KIF18A: variants seen among roughly 807,000 people sequenced by gnomAD.
KIF18A encodes the protein kinesin-like protein KIF18A.
Under a neutral mutation model 103.3 loss-of-function variants are expected in KIF18A, and 67 were observed. That is an observed-to-expected ratio of 0.65 (90% confidence interval 0.53 to 0.79). The LOEUF is 0.79. Ranked by LOEUF, KIF18A falls within the 30% of genes least tolerant of loss-of-function variation. KIF18A has a pLI of 0.00. For synonymous variants in KIF18A, 367 were observed against 355.5 expected (o/e 1.03, Z -0.36); for missense variants, 1,032 against 1,062.5 (o/e 0.97, Z 0.40).
intron 1 of KIF18A, among the ~76,000 whole-genome samples, chr11:28,105,991 C>A (rs1046332263): frequency 6.6e-6 from 1 of 152,118 alleles, no homozygotes. Context: ...TCCAAGATGA[C>A]GTAACAAGTG....
intron 3 of KIF18A, among the ~76,000 whole-genome samples, chr11:28,092,553 C>T (rs1015638135): frequency 5.3e-5 from 8 of 152,066 alleles, no homozygotes; most frequent in South Asian, 2.1e-4. Flanking sequence ...TTATAAGTAA[C>T]ACACATTTCT....
intron 4 of KIF18A, 115 bp downstream of exon 4, chr11:28,091,294 G>C: frequency 3.3e-6 from 2 of 602,624 alleles, no homozygotes; most frequent in South Asian, 4.8e-5. Context: ...TTTAAATTCT[G>C]TACCTCATTA....
At chr11:28,028,254 C>T (rs553613433) in intron 15 of KIF18A, among the ~76,000 whole-genome samples, 1 of 152,152 alleles carries the variant, frequency 6.6e-6, no homozygotes, top group Non-Finnish European at 1.5e-5. Context: ...TGCACTTATT[C>T]CAAAATTGAC....
At chr11:28,083,089 A>T in intron 8 of KIF18A, 80 bp downstream of exon 8, 16 of 1,511,420 alleles carry the variant, frequency 1.1e-5, no homozygotes, top group Non-Finnish European at 1.4e-5. Context: ...AAATATGTTA[A>T]ATTTTTGGAC....
rs1851206021 is a variant in KIF18A at position 28,084,774 on chromosome 11, T to C, written c.932A>G (p.Lys311Arg). Residue 311 changes from lysine (K) to arginine (R), a missense_variant, in exon 7 of 17, where the codon AAG (lysine) becomes AGG (arginine). Physicochemically the swap from Lys to Arg is conservative, Grantham distance 26. Transcript: ENST00000263181. Reference sequence around the variant, plus strand: ...AGAATCCTTTAACAAGCGAGTAAGCTTACTATTTCTGTAAGGGATATGCTG... The same window carrying C: ...AGAATCCTTTAACAAGCGAGTAAGCCTACTATTTCTGTAAGGGATATGCTG... ...KNQHIPYRNSKLTRLLKDSLG... is the reference protein window; with the variant it reads ...KNQHIPYRNSRLTRLLKDSLG... The C allele has an allele frequency of 6.2e-7, 1 of 1,612,908 alleles. No individual in the cohort carries two copies. Among genetic ancestry groups the C allele is most frequent in the Admixed American group, 1.7e-5 (1 of 59,938 alleles).
intron 13 of KIF18A, among the ~76,000 whole-genome samples, chr11:28,051,980 T>A (rs1420907324): frequency 1.3e-5 from 2 of 152,106 alleles, no homozygotes; most frequent in African/African-American, 4.8e-5. Context: ...CTCAATTCTT[T>A]TAGATGCTAA....
intron 14 of KIF18A, 88 bp from the exon 15 acceptor site, chr11:28,035,582 A>G (rs1850475670): frequency 7.9e-6 from 5 of 635,750 alleles, no homozygotes; most frequent in Non-Finnish European, 1.2e-5. Context: ...TAATTAGAAA[A>G]CCATTTGGTA....
At chr11:28,048,225 A>C (rs943331643) in intron 13 of KIF18A, among the ~76,000 whole-genome samples, 1 of 152,138 alleles carries the variant, frequency 6.6e-6, no homozygotes, top group Admixed American at 6.6e-5. Flanking sequence ...TAATGCCTTT[A>C]AAGTATACAT....
chr11:28,094,898 G>C lies in KIF18A; in HGVS notation c.326-98C>G, dbSNP rs1222744842. On this transcript the variant is annotated intron_variant, in intron 2 of 16. Transcript: ENST00000263181. ...TAGTTCCATCTGGATATCCTGAACA[G>C]TATCTTTAAACCCTACAAATCCAAA... is the stretch of plus-strand genomic sequence containing the variant. 5 of 1,212,102 alleles carry C rather than the reference G, an allele frequency of 4.1e-6. No individual in the cohort carries two copies. The African/African-American group carries it at 6.1e-5, about 15-fold the overall frequency. The allele number at this position is 1,212,102 out of a possible 1,614,324, so 75.1% of individuals were successfully genotyped here. A position where few individuals can be genotyped will look rare whatever the true frequency, so the allele number is the denominator to read the frequency against.
In KIF18A at chr11:28,090,656, A is replaced by G; in HGVS notation, c.660T>C (p.Asp220=). 6.2e-7 allele frequency: 1 copy of G among 1,609,484 alleles called. No homozygotes were observed. The highest frequency in any genetic ancestry group is 8.5e-7 in the Non-Finnish European group (1 of 1,176,358). ...GNKNRTQHPT[D]MNATSSRSHA... The stretch of plus-strand genomic sequence containing the variant: ...GAGAACGAGAAGATGTGGCATTCAT[A>G]TCAGTGGGATGTTGTGTCCTGTTTT... Residue 220 remains aspartate (D), a synonymous_variant, in exon 5 of 17, where the codon GAT becomes GAC. Transcript: ENST00000263181.
chr11:28,095,009 T>C (rs1025418583), intron 2 of KIF18A, among the ~76,000 whole-genome samples: 1 of 152,140 alleles, frequency 6.6e-6, no homozygotes, highest in Non-Finnish European at 1.5e-5. Flanking sequence ...ATGGTATCAC[T>C]ACCCCCGGCC....
At chr11:28,078,049 A>G (rs1851118143) in intron 9 of KIF18A, among the ~76,000 whole-genome samples, 2 of 152,194 alleles carry the variant, frequency 1.3e-5, no homozygotes. Context: ...GCTCTGAGCT[A>G]CAGTAACAGT....
At chr11:28,072,348 C>A (rs1234097607) in intron 10 of KIF18A, among the ~76,000 whole-genome samples, 1 of 152,070 alleles carries the variant, frequency 6.6e-6, no homozygotes, top group African/African-American at 2.4e-5. Flanking sequence ...TTTATGGGGT[C>A]ATGAAATTAC....
At chr11:28,091,170 A>C (rs1851298233) in intron 4 of KIF18A, among the ~76,000 whole-genome samples, 1 of 152,058 alleles carries the variant, frequency 6.6e-6, no homozygotes, top group Non-Finnish European at 1.5e-5. Flanking sequence ...ACATACATAC[A>C]TACATACATA....
intron 13 of KIF18A, among the ~76,000 whole-genome samples, chr11:28,051,985 T>C (rs912637344): frequency 6.6e-6 from 1 of 152,146 alleles, no homozygotes; most frequent in East Asian, 1.9e-4. Context: ...TTCTTTTAGA[T>C]GCTAAGTTCC....
At chr11:28,047,275 C>T (rs1275011112) in intron 13 of KIF18A, among the ~76,000 whole-genome samples, 2 of 151,892 alleles carry the variant, frequency 1.3e-5, no homozygotes, top group Non-Finnish European at 2.9e-5. Context: ...TGGTTTTAGT[C>T]CATCGCTACA....
rs749545494 is a variant in KIF18A at position 28,094,754 on chromosome 11, T to C, written c.372A>G (p.Leu124=). Residue 124 remains leucine (L), a synonymous_variant, in exon 3 of 17, where the codon CTA becomes CTG. Transcript: ENST00000263181. ...TCACTCCAGGTTCATCAGCTGATCC[T>C]AGCATAGTGTGGGTCTTCCCAGCAC... ...ATGAGKTHTM[L]GSADEPGVMY... The C allele has an allele frequency of 1.9e-6, 3 of 1,614,016 alleles. No individual in the cohort carries two copies. Among genetic ancestry groups the C allele is most frequent in the South Asian group, 2.2e-5 (2 of 91,082 alleles).
chr11:28,062,618 T>C, intron 11 of KIF18A, 102 bp from the exon 12 acceptor site: 2 of 849,468 alleles, frequency 2.4e-6, no homozygotes, highest in Non-Finnish European at 3.3e-6. Context: ...TAATTCTTTT[T>C]AGATATTAAA....
chr11:28,053,812 T>C (rs1490641994), intron 13 of KIF18A, among the ~76,000 whole-genome samples: 1 of 152,068 alleles, frequency 6.6e-6, no homozygotes, highest in Non-Finnish European at 1.5e-5. Flanking sequence ...GTTTTAAAGT[T>C]AGGTGTTGGG....
Sources: gnomAD v4.1 joint callset for allele counts (sites outside exome capture counted in the v4.1 genomes callset) on GRCh38, gnomAD v4.1.1 for gene constraint, MANE v1.5 for transcripts, NCBI Gene and HGNC (gene_info 2026-07-23, HGNC 2026-07-21) for gene names.